Variants in PCDHGA8 observed in about 807,000 individuals in gnomAD.
PCDHGA8 encodes protocadherin gamma-A8.
A neutral mutation model predicts 59.2 loss-of-function variants in PCDHGA8; 45 were observed. That is an observed-to-expected ratio of 0.76 (90% CI 0.60 to 0.98). The LOEUF is 0.98. Among genes scored for constraint, PCDHGA8 ranks in the 50% least tolerant of loss-of-function variants. The probability of loss-of-function intolerance (pLI) is 0.00; values close to 1 mark genes in which losing one functional copy is unlikely to be tolerated. For missense variants in PCDHGA8, 1,257 were observed against 1,196.2 expected, an observed-to-expected ratio of 1.05 and a Z score of -0.75; for synonymous variants, 531 against 519.0, an observed-to-expected ratio of 1.02 and a Z score of -0.32.
At chr5:141,419,170 C>T (rs758796140) in intron 1 of PCDHGA8, 4 of 1,613,966 alleles carry the variant, frequency 2.5e-6, no homozygotes, top group Non-Finnish European at 3.4e-6. Context: ...CCAGCAAAAC[C>T]ATAACCCTGC....
chr5:141,441,789 A>G (rs889545483), intron 1 of PCDHGA8: 4 of 391,886 alleles, frequency 1.0e-5, no homozygotes, highest in Middle Eastern at 6.4e-4. Context: ...CCTGAATGAC[A>G]ACGCACCGCG....
At chr5:141,506,188 C>A (rs925159785) in intron 3 of PCDHGA8, among the ~76,000 whole-genome samples, 1 of 152,058 alleles carries the variant, frequency 6.6e-6, no homozygotes, top group Non-Finnish European at 1.5e-5. Flanking sequence ...TGGTGGCTCA[C>A]GCCTGTAATC....
At chr5:141,413,513 T>C (rs1369472337) in intron 1 of PCDHGA8, 34 of 1,613,974 alleles carry the variant, frequency 2.1e-5, no homozygotes, top group Non-Finnish European at 2.9e-5. Context: ...TTTAATATCC[T>C]TGTGGAAGAC....
At position 141,431,965 on chromosome 5, in the gene PCDHGA8, T is replaced by G. The variant is rs765281339; in HGVS notation, c.2424+36728T>G. ...TAGAAAAATCTTACGGAAATTACTATAGTTTAGTCACAGACATAGTCTTGG... is the reference window on the plus strand; with the variant it reads ...TAGAAAAATCTTACGGAAATTACTAGAGTTTAGTCACAGACATAGTCTTGG... On this transcript the variant is annotated intron_variant, in intron 1 of 3. Coordinates refer to ENST00000398604, the MANE Select transcript of PCDHGA8 (RefSeq NM_032088.2). This position sits in a 1 kb window ranked among gnomAD's most constrained non-coding sequence, Gnocchi z 4.8. The G allele has an allele frequency of 1.2e-6, 2 of 1,614,216 alleles. No individual in the cohort carries two copies. Among genetic ancestry groups the G allele is most frequent in the East Asian group, 4.5e-5 (2 of 44,892 alleles).
chr5:141,436,877 A>G (rs2097851127), intron 1 of PCDHGA8, among the ~76,000 whole-genome samples: 1 of 152,252 alleles, frequency 6.6e-6, no homozygotes, highest in Admixed American at 6.5e-5. Flanking sequence ...AGGCCATAAA[A>G]GATGGGGGAA....
At chr5:141,436,950 C>A (rs894702404) in intron 1 of PCDHGA8, among the ~76,000 whole-genome samples, 3 of 152,138 alleles carry the variant, frequency 2.0e-5, no homozygotes, top group African/African-American at 7.2e-5. Flanking sequence ...ATAGTGAAAT[C>A]TAAACAAGGA....
At position 141,491,127 on chromosome 5, in the gene PCDHGA8, C is replaced by T. The variant is rs2099708654; in HGVS notation, c.2425-3680C>T. On this transcript the variant is annotated intron_variant, in intron 1 of 3. Transcript: ENST00000398604. This position sits in a 1 kb window ranked among gnomAD's most constrained non-coding sequence, Gnocchi z 6.9. ...TGTCTACACACACTGGTGAGGTGCGCACAGCCCGGGCCTTACTGGAGGATG... is the reference window on the plus strand; with the variant it reads ...TGTCTACACACACTGGTGAGGTGCGTACAGCCCGGGCCTTACTGGAGGATG... 1 of 1,614,076 alleles carries T rather than the reference C, an allele frequency of 6.2e-7. No individual in the cohort carries two copies. The highest frequency in any genetic ancestry group is 1.3e-5 in the African/African-American group (1 of 74,942).
At chr5:141,482,841 G>A (rs1401298303) in intron 1 of PCDHGA8, among the ~76,000 whole-genome samples, 1 of 139,444 alleles carries the variant, frequency 7.2e-6, no homozygotes, top group Non-Finnish European at 1.5e-5. Flanking sequence ...GGAGGCCAAG[G>A]TGGGCAGATC....
chr5:141,491,006 T>C lies in PCDHGA8; in HGVS notation c.2425-3801T>C. The C allele has an allele frequency of 6.2e-7, 1 of 1,614,062 alleles. No homozygotes were observed. Among genetic ancestry groups the C allele is most frequent in the Non-Finnish European group, 8.5e-7 (1 of 1,180,028 alleles). ...CGCTCTGCTCCTCCTGGCTCCTTGG[T>C]CACCAAGGTGACAGCCGTGGATGCT... On this transcript the variant is annotated intron_variant, in intron 1 of 3. Transcript: ENST00000398604. This position sits in a 1 kb window ranked among gnomAD's most constrained non-coding sequence, Gnocchi z 6.9.
rs927273885 is a variant in PCDHGA8, at chr5:141,393,071, C to T, written c.258C>T (p.Thr86=). Residue 86 remains threonine (T), a synonymous_variant, in exon 1 of 4, where the codon ACC becomes ACT. Transcript: ENST00000398604. ...ALNPRSGSLI[T]AGRIDREELC... ...ACCCGCGCAGCGGCAGCTTGATCACCGCGGGCAGGATAGATCGGGAGGAGC... is the reference window on the plus strand; with the variant it reads ...ACCCGCGCAGCGGCAGCTTGATCACTGCGGGCAGGATAGATCGGGAGGAGC... 1.9e-6 allele frequency: 3 copies of T among 1,613,680 alleles called. No individual in the cohort carries two copies. The highest frequency in any genetic ancestry group is 2.5e-6 in the Non-Finnish European group (3 of 1,179,900).
intron 1 of PCDHGA8, among the ~76,000 whole-genome samples, chr5:141,482,089 C>CAA (rs36035257): frequency 1.0e-3 from 137 of 134,516 alleles, no homozygotes; most frequent in African/African-American, 1.5e-3. Context: ...CACTCCATCT[C>CAA]AAAAAAAAAA....
At chr5:141,457,631 G>C (rs540600166) in intron 1 of PCDHGA8, among the ~76,000 whole-genome samples, 1 of 152,282 alleles carries the variant, frequency 6.6e-6, no homozygotes, top group African/African-American at 2.4e-5. Flanking sequence ...TCTTATACTT[G>C]GCCTGATTAT....
intron 1 of PCDHGA8, among the ~76,000 whole-genome samples, chr5:141,463,999 C>A (rs1261262637): frequency 1.3e-5 from 2 of 152,056 alleles, no homozygotes; most frequent in African/African-American, 4.8e-5. Flanking sequence ...GGTGCAGTGG[C>A]TCATGCTTGT....
At chr5:141,417,532 T>TA (rs1457524771) in intron 1 of PCDHGA8, 17 of 284,868 alleles carry the variant, frequency 6.0e-5, no homozygotes, top group Non-Finnish European at 8.4e-5. Context: ...ACTCGTAGTT[T>TA]AAAAAAAATT....
intron 1 of PCDHGA8, chr5:141,422,451 C>A: frequency 6.2e-7 from 1 of 1,611,518 alleles, no homozygotes; most frequent in East Asian, 2.2e-5. Context: ...TGATAACAAG[C>A]AGAGTGCTGG....
chr5:141,509,601 G>A (rs2099877534), intron 3 of PCDHGA8, among the ~76,000 whole-genome samples: 1 of 152,144 alleles, frequency 6.6e-6, no homozygotes, highest in Non-Finnish European at 1.5e-5. Flanking sequence ...ATTCCGAGAG[G>A]CTGCATTCTA....
Position 141,393,927 on chromosome 5 carries a change from C to T in PCDHGA8, c.1114C>T (p.His372Tyr). Reference sequence around the variant, plus strand: ...GACAGTAATTGCCTTCTTGAGTGTGCATGACCAAGACTCTGGAAAGAATGG... The same window carrying T: ...GACAGTAATTGCCTTCTTGAGTGTGTATGACCAAGACTCTGGAAAGAATGG... ...PGTVIAFLSV[H>Y]DQDSGKNGQV... Residue 372 changes from histidine (H) to tyrosine (Y), a missense_variant, in exon 1 of 4, where the codon CAT becomes TAT. Transcript: ENST00000398604. 1.2e-6 allele frequency: 2 copies of T among 1,613,970 alleles called. No homozygotes were observed. The highest frequency in any genetic ancestry group is 1.1e-5 in the South Asian group (1 of 91,082).
At chr5:141,488,797 T>G (rs1451050520) in intron 1 of PCDHGA8, among the ~76,000 whole-genome samples, 6 of 152,158 alleles carry the variant, frequency 3.9e-5, no homozygotes, top group Non-Finnish European at 8.8e-5. Context: ...TCTTCCCTGT[T>G]GAGTACCATC....
intron 1 of PCDHGA8, among the ~76,000 whole-genome samples, chr5:141,401,057 A>G (rs1021828194): frequency 1.3e-5 from 2 of 152,170 alleles, no homozygotes; most frequent in Non-Finnish European, 2.9e-5. Flanking sequence ...AAAATACTAT[A>G]TGTTGGCTGG....
Sources: gnomAD v4.1 joint callset for allele counts (sites outside exome capture counted in the v4.1 genomes callset) on GRCh38, gnomAD v4.1.1 for gene constraint, Gnocchi (gnomAD v3.1) non-coding constraint, MANE v1.5 for transcripts, NCBI Gene and HGNC (gene_info 2026-07-23, HGNC 2026-07-21) for gene names.